PRKACA: variants seen among roughly 807,000 people sequenced by gnomAD.
PRKACA encodes the protein cAMP-dependent protein kinase catalytic subunit alpha.
A neutral mutation model predicts 45.8 loss-of-function variants in PRKACA; 9 were observed. That is an observed-to-expected ratio of 0.20 (90% CI 0.12 to 0.34). PRKACA has a LOEUF of 0.34. Among genes scored for constraint, PRKACA ranks in the 10% least tolerant of loss-of-function variants. The pLI is 1.00. For synonymous variants in PRKACA, 160 were observed against 178.6 expected (o/e 0.90, Z 0.83); for missense variants, 238 against 458.6 (o/e 0.52, Z 4.39).
chr19:14,103,148 C>A (rs1215899102), intron 3 of PRKACA, among the ~76,000 whole-genome samples: 1 of 152,152 alleles, frequency 6.6e-6, no homozygotes, highest in Non-Finnish European at 1.5e-5. Flanking sequence ...CATGGGTTAC[C>A]CCCACAGAGG....
chr19:14,106,945 T>C (rs1261145341), intron 2 of PRKACA, 57 bp from the exon 3 acceptor site: 1 of 1,606,996 alleles, frequency 6.2e-7, no homozygotes, highest in South Asian at 1.1e-5. Context: ...CCTGCTTGGC[T>C]AAGGTCTGGG....
At position 14,093,041 on chromosome 19, in the gene PRKACA, A is replaced by ATGGCG; in HGVS notation, c.*70_*71insCGCCA. On this transcript the variant is annotated 3_prime_UTR_variant, in exon 10 of 10. Coordinates refer to ENST00000308677, the MANE Select transcript of PRKACA (RefSeq NM_002730.4). ...CTGGGGCCCTCTGGCTGTTCAATCC[A>ATGGCG]ACCCTCCCACCCCCCCGACCAAAAA... 1 of 500,030 alleles carries ATGGCG rather than the reference A, an allele frequency of 2.0e-6. No homozygotes were observed. Among genetic ancestry groups the ATGGCG allele is most frequent in the Non-Finnish European group, 3.6e-6 (1 of 278,314 alleles). The allele number at this position is 500,030 out of a possible 1,614,324, so 31.0% of individuals were successfully genotyped here.
intron 1 of PRKACA, among the ~76,000 whole-genome samples, chr19:14,113,826 A>G (rs1286584665): frequency 6.6e-6 from 1 of 151,930 alleles, no homozygotes; most frequent in Non-Finnish European, 1.5e-5. Flanking sequence ...GCTGGACCCC[A>G]ACACTGGGAT....
At chr19:14,102,944 G>A (rs1337976942) in intron 3 of PRKACA, 30 bp from the exon 4 acceptor site, 1 of 1,560,284 alleles carries the variant, frequency 6.4e-7, no homozygotes, top group East Asian at 2.2e-5. Flanking sequence ...AGGGCAGAAA[G>A]GAGGGGGAGG....
At position 14,097,756 on chromosome 19, in the gene PRKACA, G is replaced by C. The variant is rs200124699; in HGVS notation, c.546+8C>G. 14 of 1,614,166 alleles carry C rather than the reference G, an allele frequency of 8.7e-6. No homozygotes were observed. Among genetic ancestry groups the C allele is most frequent in the Middle Eastern group, 1.6e-4 (1 of 6,062 alleles). On this transcript the variant is annotated splice_region_variant and intron_variant, in intron 6 of 9. Transcript: ENST00000308677. This position sits in a 1 kb window ranked among gnomAD's most constrained non-coding sequence, Gnocchi z 5.4. The stretch of plus-strand genomic sequence containing the variant: ...CCAGGGCTGCCCCTCGCCCGGCCTG[G>C]TGGGCACCTGAATGTAGCCCTGCTG...
At position 14,097,163 on chromosome 19, in the gene PRKACA, C is replaced by G; in HGVS notation, c.765+198G>C. The G allele has an allele frequency of 5.3e-6, 4 of 752,730 alleles. No individual in the cohort carries two copies. In the South Asian group the frequency reaches 7.0e-5, roughly 13 times the overall value. 46.6% of individuals were successfully genotyped at this position (752,730 alleles called of 1,614,324 possible). A position where few individuals can be genotyped will look rare whatever the true frequency, so the allele number is the denominator to read the frequency against. On this transcript the variant is annotated intron_variant, in intron 8 of 9. Coordinates refer to ENST00000308677, the MANE Select transcript of PRKACA (RefSeq NM_002730.4). This position sits in a 1 kb window ranked among gnomAD's most constrained non-coding sequence, Gnocchi z 5.4. The stretch of plus-strand genomic sequence containing the variant: ...TTGGAAGCCCATGGGATTCTGGAAC[C>G]GCGGGGTTGGGGCTGGACAGCAAGG...
rs1175740405 is a variant in PRKACA, at chr19:14,093,194, G to A, written c.974C>T (p.Thr325Met). ...FIPKFKGPGD[T>M]SNFDDYEEEE... ...TTCCTCATAGTCGTCAAAGTTACTC[G>A]TATCCCCAGGGCCTTTAAACTTTGG... Residue 325 changes from threonine to methionine, a missense_variant, in exon 10 of 10, where the codon ACG becomes ATG. Around this residue, in one of 3 missense-constraint regions of PRKACA, gnomAD observed 51 missense variants for 68.6 expected, o/e 0.74. Coordinates refer to ENST00000308677, the MANE Select transcript of PRKACA (RefSeq NM_002730.4). 2.5e-6 allele frequency: 4 copies of A among 1,613,882 alleles called. No individual in the cohort carries two copies. The highest frequency in any genetic ancestry group is 2.5e-6 in the Non-Finnish European group (3 of 1,179,956).
At chr19:14,108,169 G>A (rs1977668263) in intron 1 of PRKACA, 1 of 985,164 alleles carries the variant, frequency 1.0e-6, no homozygotes, top group East Asian at 1.1e-4. Context: ...GTGGCTAAGG[G>A]CCAGGACTTG....
intron 8 of PRKACA, among the ~76,000 whole-genome samples, chr19:14,095,449 G>A (rs559486980): frequency 4.5e-4 from 69 of 151,812 alleles, no homozygotes; most frequent in African/African-American, 1.5e-3. Context: ...GATTACAGGC[G>A]TGAGCCACCA....
At chr19:14,111,622 T>C (rs1034426245) in intron 1 of PRKACA, among the ~76,000 whole-genome samples, 12 of 152,176 alleles carry the variant, frequency 7.9e-5, no homozygotes, top group Non-Finnish European at 1.6e-4. Context: ...TTATTTTGTT[T>C]TGAGATGGGG....
Position 14,093,252 on chromosome 19 carries a change from A to G in PRKACA, c.931-15T>C. The G allele has an allele frequency of 1.2e-6, 2 of 1,609,924 alleles. No homozygotes were observed. Among genetic ancestry groups the G allele is most frequent in the Non-Finnish European group, 1.7e-6 (2 of 1,178,600 alleles). On this transcript the variant is annotated splice_polypyrimidine_tract_variant and intron_variant, in intron 9 of 9. Transcript: ENST00000308677. Reference sequence around the variant, plus strand: ...GGAGCTTCCACCTGGAGAGGGATCAAGAATCACCCAGACCTCAGCATTCAA... The same window carrying G: ...GGAGCTTCCACCTGGAGAGGGATCAGGAATCACCCAGACCTCAGCATTCAA...
chr19:14,109,741 C>G (rs1399776724), intron 1 of PRKACA, among the ~76,000 whole-genome samples: 2 of 150,928 alleles, frequency 1.3e-5, no homozygotes, highest in East Asian at 3.9e-4. Flanking sequence ...AGTTTGAAAC[C>G]AGCCTGGCCA....
intron 8 of PRKACA, among the ~76,000 whole-genome samples, chr19:14,095,067 C>T (rs1405721882): frequency 6.6e-6 from 1 of 152,186 alleles, no homozygotes; most frequent in Non-Finnish European, 1.5e-5. Context: ...TGCGGGGGAA[C>T]TAGAAAATGC....
In PRKACA at chr19:14,098,049, T is replaced by C. The variant is rs1369174136; in HGVS notation, c.420-159A>G. The C allele has an allele frequency of 3.6e-6, 3 of 839,552 alleles. No individual in the cohort carries two copies. The Admixed American group carries it at 8.4e-5, about 24-fold the overall frequency. 52.0% of individuals were successfully genotyped at this position (839,552 alleles called of 1,614,324 possible). A position where few individuals can be genotyped will look rare whatever the true frequency, so the allele number is the denominator to read the frequency against. ...AGATAGCCCGACATGGGAAACAGCC[T>C]GTGGGTCCATCCACAGGAAAATGGA... On this transcript the variant is annotated intron_variant, in intron 5 of 9. Transcript: ENST00000308677.
chr19:14,095,446 G>T (rs1977217536), intron 8 of PRKACA, among the ~76,000 whole-genome samples: 1 of 151,884 alleles, frequency 6.6e-6, no homozygotes, highest in Non-Finnish European at 1.5e-5. Flanking sequence ...TGGGATTACA[G>T]GCGTGAGCCA....
Position 14,097,537 on chromosome 19 carries a change from G to A in PRKACA, c.642+42C>T. The A allele has an allele frequency of 6.2e-7, 1 of 1,613,522 alleles. No homozygotes were observed. The highest frequency in any genetic ancestry group is 1.7e-5 in the Admixed American group (1 of 59,990). On this transcript the variant is annotated intron_variant, in intron 7 of 9. Transcript: ENST00000308677. This position sits in a 1 kb window ranked among gnomAD's most constrained non-coding sequence, Gnocchi z 5.4. ...AGGAGGAGGCGAGAGCAGGAGAGCA[G>A]AGCCGGCCTCAGGGGAAGGGGAGGG...
At chr19:14,111,416 G>C (rs1260058662) in intron 1 of PRKACA, among the ~76,000 whole-genome samples, 1 of 151,224 alleles carries the variant, frequency 6.6e-6, no homozygotes, top group Non-Finnish European at 1.5e-5. Flanking sequence ...AAAAAAGAAA[G>C]TGGTAGATGG....
chr19:14,093,144 C>A lies in PRKACA; in HGVS notation c.1024G>T (p.Glu342Ter). The A allele has an allele frequency of 6.2e-7, 1 of 1,610,986 alleles. No individual in the cohort carries two copies. The highest frequency in any genetic ancestry group is 1.1e-5 in the South Asian group (1 of 91,022). Residue 342 changes from glutamate (E) to a stop codon, truncating the protein, a stop_gained, in exon 10 of 10, where the codon GAG (glutamate) becomes TAG (stop). Coordinates refer to ENST00000308677, the MANE Select transcript of PRKACA (RefSeq NM_002730.4). LOFTEE classifies it high-confidence loss of function. ...TCAGAAAACTCCTTGCCACACTTCT[C>A]ATTGATGGAGACCCGGATTTCTTCT... ...EEEEIRVSIN[E>*]KCGKEFSEF
Position 14,107,376 on chromosome 19 carries a change from A to T in PRKACA, c.80T>A (p.Phe27Tyr). Residue 27 changes from phenylalanine to tyrosine, a missense_variant, in exon 2 of 10, where the codon TTT (phenylalanine) becomes TAT (tyrosine). By Grantham distance (22) the Phe-to-Tyr change is conservative (BLOSUM62 3). Around this residue, in one of 3 missense-constraint regions of PRKACA, gnomAD observed 93 missense variants for 149.1 expected, o/e 0.62. Transcript: ENST00000308677. Reference protein sequence around the residue: ...KEFLAKAKEDFLKKWESPAQN... With the variant: ...KEFLAKAKEDYLKKWESPAQN... ...AGCGGGACTTTCCCATTTTTTAAGA[A>T]AATCTTCTTTGGCTTTGGCTAAGAA... 1 of 1,614,136 alleles carries T rather than the reference A, an allele frequency of 6.2e-7. No individual in the cohort carries two copies. Among genetic ancestry groups the T allele is most frequent in the Non-Finnish European group, 8.5e-7 (1 of 1,180,006 alleles).
Sources: allele counts gnomAD v4.1 joint callset (sites outside exome capture counted in the v4.1 genomes callset), GRCh38; gene constraint gnomAD v4.1.1; regional missense constraint gnomAD v4.1.1; non-coding constraint Gnocchi (gnomAD v3.1); transcripts MANE v1.5; gene names NCBI Gene and HGNC (gene_info 2026-07-23, HGNC 2026-07-21).